Variants in GALNT18 observed in about 807,000 individuals in gnomAD.
GALNT18 encodes polypeptide N-acetylgalactosaminyltransferase 18.
GALNT18 carries 44 observed loss-of-function variants against 69.5 expected under a neutral mutation model. That is an observed-to-expected ratio of 0.63 (90% CI 0.50 to 0.81). The LOEUF (loss-of-function observed/expected upper bound fraction) is 0.81, where lower values mean the gene tolerates loss of function less well. Among genes scored for constraint, GALNT18 ranks in the 40% least tolerant of loss-of-function variants. GALNT18 has a pLI of 0.00. For synonymous variants in GALNT18, 364 were observed against 318.2 expected (o/e 1.14, Z -1.53); for missense variants, 715 against 810.0 (o/e 0.88, Z 1.42).
intron 1 of GALNT18, among the ~76,000 whole-genome samples, chr11:11,558,905 C>T (rs1277994346): frequency 6.6e-6 from 1 of 152,190 alleles, no homozygotes; most frequent in African/African-American, 2.4e-5. Context: ...CACTTCTCAC[C>T]TCTAGTCCAG....
Position 11,596,754 on chromosome 11 carries a change from G to A in GALNT18, c.235+24605C>T, listed in dbSNP as rs1464326473. 3.3e-5 allele frequency among the ~76,000 whole-genome samples: 5 copies of A among 152,042 alleles called. No individual in the cohort carries two copies. The highest frequency in any genetic ancestry group is 7.2e-5 in the African/African-American group (3 of 41,400). On this transcript the variant is annotated intron_variant, in intron 1 of 10. Coordinates refer to ENST00000227756, the MANE Select transcript of GALNT18 (RefSeq NM_198516.3). The surrounding 1 kb of genome is among the most constrained non-coding windows in gnomAD (Gnocchi z 4.2). ...ACTTACTAGTTCTAACTGATTTTTA[G>A]TGGATTCCCTAGGATACATGATTAT...
intron 9 of GALNT18, among the ~76,000 whole-genome samples, chr11:11,319,698 G>A (rs1849811797): frequency 6.6e-6 from 1 of 152,148 alleles, no homozygotes; most frequent in Non-Finnish European, 1.5e-5. Context: ...TGCTGATGAC[G>A]GAGATGTCAA....
At chr11:11,589,192 C>T (rs1859294405) in intron 1 of GALNT18, among the ~76,000 whole-genome samples, 1 of 152,166 alleles carries the variant, frequency 6.6e-6, no homozygotes, top group Non-Finnish European at 1.5e-5. Context: ...GGAAAGGGGG[C>T]TGCGTTAGTT....
chr11:11,301,716 T>A (rs1240051494), intron 9 of GALNT18, among the ~76,000 whole-genome samples: 1 of 152,072 alleles, frequency 6.6e-6, no homozygotes, highest in Admixed American at 6.5e-5. Context: ...AGCCCATCAG[T>A]GAGGAGTCGA....
chr11:11,560,149 T>G (rs1858452703), intron 1 of GALNT18, among the ~76,000 whole-genome samples: 2 of 147,958 alleles, frequency 1.4e-5, no homozygotes, highest in African/African-American at 2.5e-5. Flanking sequence ...TAGAATGGGA[T>G]ATGATGGGAT....
At chr11:11,609,826 T>G (rs550852836) in intron 1 of GALNT18, among the ~76,000 whole-genome samples, 88 of 152,274 alleles carry the variant, frequency 5.8e-4, no homozygotes, top group Admixed American at 3.9e-3. Flanking sequence ...CTCAATTAAA[T>G]GGGAAGTTCC....
At chr11:11,304,497 A>G (rs73417619) in intron 9 of GALNT18, among the ~76,000 whole-genome samples, 2 of 152,104 alleles carry the variant, frequency 1.3e-5, no homozygotes, top group African/African-American at 4.8e-5. Context: ...AGCTGTGCCT[A>G]CTCAATCACA....
intron 1 of GALNT18, among the ~76,000 whole-genome samples, chr11:11,575,114 T>C (rs1052217280): frequency 2.0e-5 from 3 of 152,190 alleles, no homozygotes; most frequent in African/African-American, 7.2e-5. Flanking sequence ...TCCAAGCTCA[T>C]TACCATGAAC....
intron 1 of GALNT18, among the ~76,000 whole-genome samples, chr11:11,504,015 T>C (rs1857023267): frequency 6.6e-6 from 1 of 152,226 alleles, no homozygotes; most frequent in African/African-American, 2.4e-5. Flanking sequence ...AAAAAAATGA[T>C]TTGTACTGGG....
chr11:11,566,237 C>T (rs1001745820), intron 1 of GALNT18, among the ~76,000 whole-genome samples: 3 of 152,180 alleles, frequency 2.0e-5, no homozygotes, highest in Non-Finnish European at 4.4e-5. Flanking sequence ...GAATATACAG[C>T]CTTTCTCCCA....
rs368381393 is a variant in GALNT18, at chr11:11,588,060, T to C, written c.235+33299A>G. ...CTTTCTGCAGTTGAAATCTACCCCA[T>C]CTTTCAGTGCTCAGTTCAAATACTT... On this transcript the variant is annotated intron_variant, in intron 1 of 10. Coordinates refer to ENST00000227756, the MANE Select transcript of GALNT18 (RefSeq NM_198516.3). 2.0e-5 allele frequency among the ~76,000 whole-genome samples: 3 copies of C among 152,144 alleles called. No individual in the cohort carries two copies. The South Asian group carries it at 6.3e-4, about 32-fold the overall frequency.
Position 11,512,484 on chromosome 11 carries a change from G to A in GALNT18, c.236-63548C>T, listed in dbSNP as rs563311111. On this transcript the variant is annotated intron_variant, in intron 1 of 10. Transcript: ENST00000227756. Reference sequence around the variant, plus strand: ...AATTCTTTATTCTGAGTGCGGCAAAGAATTAGGAACAAGATGTGAAAGGGG... The same window carrying A: ...AATTCTTTATTCTGAGTGCGGCAAAAAATTAGGAACAAGATGTGAAAGGGG... Among the ~76,000 whole-genome samples, 18 of 152,344 alleles carry A rather than the reference G, an allele frequency of 1.2e-4. No homozygotes were observed. In the East Asian group the frequency reaches 3.3e-3, roughly 28 times the overall value.
chr11:11,410,779 C>T (rs751052935), intron 3 of GALNT18, among the ~76,000 whole-genome samples: 12 of 152,200 alleles, frequency 7.9e-5, no homozygotes, highest in African/African-American at 1.4e-4. Flanking sequence ...TGTCTTACTG[C>T]GTCTCCAGAA....
rs74973916 is a variant in GALNT18 at position 11,382,766 on chromosome 11, A to T, written c.596-3502T>A. 0.029 allele frequency among the ~76,000 whole-genome samples: 4,418 copies of T among 152,106 alleles called. 156 individuals carry two copies. The highest frequency in any genetic ancestry group is 0.18 in the East Asian group (909 of 5,154). ...TCCCTATGCAAGCTATCTTTAATTA[A>T]TTTTTTGAAATTTCTATAAATAACA... On this transcript the variant is annotated intron_variant, in intron 3 of 10. Transcript: ENST00000227756. The surrounding 1 kb of genome is among the most constrained non-coding windows in gnomAD (Gnocchi z 4.3).
Position 11,621,305 on chromosome 11 carries a change from G to T in GALNT18, c.235+54C>A. The T allele has an allele frequency of 1.3e-6, 2 of 1,488,242 alleles. No individual in the cohort carries two copies. Among genetic ancestry groups the T allele is most frequent in the South Asian group, 2.3e-5 (2 of 85,738 alleles). 92.2% of individuals were successfully genotyped at this position (1,488,242 alleles called of 1,614,324 possible). A position where few individuals can be genotyped will look rare whatever the true frequency, so the allele number is the denominator to read the frequency against. ...CACCAGCCCCAGCGCACCCCGCGCC[G>T]CGCGGGGCACTCCCGGGCCTCATGG... On this transcript the variant is annotated intron_variant, in intron 1 of 10. Transcript: ENST00000227756. The surrounding 1 kb of genome is among the most constrained non-coding windows in gnomAD (Gnocchi z 9.3).
chr11:11,530,998 G>A (rs894765720), intron 1 of GALNT18, among the ~76,000 whole-genome samples: 2 of 152,296 alleles, frequency 1.3e-5, no homozygotes, highest in South Asian at 2.1e-4. Context: ...ACACTGTGAC[G>A]CCATGCCTTG....
chr11:11,482,519 T>C (rs1293608590), intron 1 of GALNT18, among the ~76,000 whole-genome samples: 1 of 152,098 alleles, frequency 6.6e-6, no homozygotes, highest in African/African-American at 2.4e-5. Flanking sequence ...AGGGAGGCCA[T>C]CCTCTCCCAG....
chr11:11,298,042 T>G (rs931309605), intron 9 of GALNT18, among the ~76,000 whole-genome samples: 2 of 152,222 alleles, frequency 1.3e-5, no homozygotes, highest in Non-Finnish European at 2.9e-5. Flanking sequence ...TGGTTGCACA[T>G]TCCTGCCTTT....
At chr11:11,273,998 C>T (rs545793647) in intron 10 of GALNT18, among the ~76,000 whole-genome samples, 8 of 152,236 alleles carry the variant, frequency 5.3e-5, no homozygotes, top group East Asian at 1.9e-4. Flanking sequence ...TCATCTCATT[C>T]GGACTGGTTG....
Sources: gnomAD v4.1 joint callset for allele counts (sites outside exome capture counted in the v4.1 genomes callset) on GRCh38, gnomAD v4.1.1 for gene constraint, Gnocchi (gnomAD v3.1) non-coding constraint, MANE v1.5 for transcripts, NCBI Gene and HGNC (gene_info 2026-07-23, HGNC 2026-07-21) for gene names.